The following LRBA variants were observed in gnomAD, a reference collection of about 807,000 sequenced individuals.
LRBA encodes LPS responsive beige-like anchor protein.
LRBA carries 176 observed loss-of-function variants against 330.0 expected under a neutral mutation model. That is an observed-to-expected ratio of 0.53 (90% confidence interval 0.47 to 0.60). LRBA has a LOEUF of 0.60. Ranked by LOEUF, LRBA falls within the 20% of genes least tolerant of loss-of-function variation. The pLI, the probability that LRBA is intolerant of heterozygous loss-of-function variation, is 0.00. For synonymous variants in LRBA, 1,230 were observed against 1,193.0 expected (o/e 1.03, Z -0.64); for missense variants, 3,259 against 3,444.8 (o/e 0.95, Z 1.35).
chr4:150,488,517 G>A (rs1371626025), intron 41 of LRBA, among the ~76,000 whole-genome samples: 4 of 151,496 alleles, frequency 2.6e-5, no homozygotes, highest in Non-Finnish European at 5.9e-5. Flanking sequence ...ATACCAAGAA[G>A]TACATGTCAA....
chr4:150,498,753 T>A (rs1252304379), intron 40 of LRBA, among the ~76,000 whole-genome samples: 1 of 152,120 alleles, frequency 6.6e-6, no homozygotes, highest in Non-Finnish European at 1.5e-5. Flanking sequence ...GAACGAGGCA[T>A]AAAAGGGTCT....
At chr4:150,281,080 G>A (rs1414756532) in intron 55 of LRBA, among the ~76,000 whole-genome samples, 1 of 152,204 alleles carries the variant, frequency 6.6e-6, no homozygotes, top group Non-Finnish European at 1.5e-5. Flanking sequence ...ACTTCCCAGA[G>A]CCCCTGGTAC....
At chr4:150,386,037 C>T (rs1050035314) in intron 47 of LRBA, among the ~76,000 whole-genome samples, 2 of 152,108 alleles carry the variant, frequency 1.3e-5, no homozygotes, top group Admixed American at 6.6e-5. Flanking sequence ...CGATGGGTTA[C>T]TAATCAACAA....
intron 47 of LRBA, among the ~76,000 whole-genome samples, chr4:150,373,124 CGTGTGTGTG>C (rs1740657377): frequency 1.0e-5 from 1 of 96,318 alleles, no homozygotes; most frequent in Non-Finnish European, 2.1e-5. Context: ...ACTACAATCT[CGTGTGTGTG>C]TGTGTGTGTG....
At chr4:150,459,886 T>A (rs921496901) in intron 44 of LRBA, among the ~76,000 whole-genome samples, 3 of 151,998 alleles carry the variant, frequency 2.0e-5, no homozygotes, top group African/African-American at 7.2e-5. Flanking sequence ...TCTGCATTTA[T>A]ATTTTATTTA....
intron 35 of LRBA, among the ~76,000 whole-genome samples, chr4:150,741,796 T>A (rs982058559): frequency 2.1e-4 from 32 of 152,268 alleles, no homozygotes; most frequent in African/African-American, 7.2e-4. Context: ...TTGCCTTGTA[T>A]AAAGATAAAA....
At chr4:150,893,009 T>C (rs1226891654) in intron 17 of LRBA, 43 bp downstream of exon 17, 1 of 1,228,518 alleles carries the variant, frequency 8.1e-7, no homozygotes, top group Non-Finnish European at 1.2e-6. Context: ...TTTCAAATAT[T>C]TCCAAACTAA....
chr4:150,536,486 AGGTGGCTTCTGG>A (rs1764669815), intron 40 of LRBA, among the ~76,000 whole-genome samples: 1 of 152,148 alleles, frequency 6.6e-6, no homozygotes, highest in Admixed American at 6.5e-5. Context: ...TGGGGCACAA[AGGTGGCTTCTGG>A]TGCTGGTAAC....
chr4:150,395,730 C>T (rs950568500), intron 47 of LRBA, among the ~76,000 whole-genome samples: 1 of 152,156 alleles, frequency 6.6e-6, no homozygotes, highest in African/African-American at 2.4e-5. Context: ...CCCAAGAAAC[C>T]TATGCAATGG....
At chr4:150,282,364 G>T in intron 55 of LRBA, 86 bp downstream of exon 55, 1 of 1,202,584 alleles carries the variant, frequency 8.3e-7, no homozygotes. Flanking sequence ...CAAAAATAGA[G>T]GTTTCTTTCG....
At chr4:150,842,465 G>T (rs746581874) in intron 28 of LRBA, among the ~76,000 whole-genome samples, 15 of 152,064 alleles carry the variant, frequency 9.9e-5, no homozygotes, top group Non-Finnish European at 2.2e-4. Flanking sequence ...TTCTATTCTA[G>T]ATTTTTAAGG....
In LRBA at chr4:150,754,537, A is replaced by AG. The variant is rs1393701364; in HGVS notation, c.5645+7245_5645+7246insC. Among the ~76,000 whole-genome samples, 22 of 145,576 alleles carry AG rather than the reference A, an allele frequency of 1.5e-4. No homozygotes were observed. In the South Asian group the frequency reaches 4.9e-3, roughly 32 times the overall value. On this transcript the variant is annotated intron_variant, in intron 35 of 56. Transcript: ENST00000651943. The stretch of plus-strand genomic sequence containing the variant: ...CTGTCTCACCAAAAAAAAAAAAAAA[A>AG]AAAAAGAGAGAGAGAGAGATAAAGT...
chr4:150,577,413 AT>A (rs540513367), intron 40 of LRBA, among the ~76,000 whole-genome samples: 26 of 119,066 alleles, frequency 2.2e-4, no homozygotes, highest in South Asian at 2.8e-4. Flanking sequence ...ATCAATGTTC[AT>A]TTTTTTAAAA....
chr4:150,686,231 G>A (rs1783618200), intron 36 of LRBA, among the ~76,000 whole-genome samples: 1 of 152,174 alleles, frequency 6.6e-6, no homozygotes, highest in African/African-American at 2.4e-5. Context: ...TTCAACCTCT[G>A]AGAGATGTTC....
chr4:150,648,551 G>GC (rs948618437), intron 37 of LRBA, among the ~76,000 whole-genome samples: 3 of 151,012 alleles, frequency 2.0e-5, no homozygotes, highest in African/African-American at 7.3e-5. Context: ...TCAAAAACAT[G>GC]CCCCCCCACC....
intron 2 of LRBA, among the ~76,000 whole-genome samples, chr4:150,966,012 A>C (rs1738838113): frequency 6.6e-6 from 1 of 152,178 alleles, no homozygotes; most frequent in Non-Finnish European, 1.5e-5. Context: ...ACAGACCAGA[A>C]ACAATACCAT....
intron 47 of LRBA, among the ~76,000 whole-genome samples, chr4:150,387,999 C>A (rs1010799807): frequency 6.6e-6 from 1 of 151,948 alleles, no homozygotes; most frequent in African/African-American, 2.4e-5. Flanking sequence ...TAATAAAATA[C>A]CTCAGATTGT....
intron 48 of LRBA, among the ~76,000 whole-genome samples, chr4:150,333,763 A>G (rs919718215): frequency 8.5e-5 from 13 of 152,152 alleles, no homozygotes; most frequent in Admixed American, 7.2e-4. Context: ...TTTAGCTTCG[A>G]TATCAGTTAA....
At chr4:150,616,826 C>T (rs1229784522) in intron 37 of LRBA, among the ~76,000 whole-genome samples, 1 of 152,100 alleles carries the variant, frequency 6.6e-6, no homozygotes, top group Admixed American at 6.6e-5. Flanking sequence ...AAATAATCCA[C>T]CAAATGGTAC....
Sources: allele counts gnomAD v4.1 joint callset (sites outside exome capture counted in the v4.1 genomes callset), GRCh38; gene constraint gnomAD v4.1.1; transcripts MANE v1.5; gene names NCBI Gene and HGNC (gene_info 2026-07-23, HGNC 2026-07-21).